The following NSL1 variants were observed in gnomAD, a reference collection of about 807,000 sequenced individuals.
NSL1 encodes kinetochore-associated protein NSL1 homolog.
A neutral mutation model predicts 25.4 loss-of-function variants in NSL1; 11 were observed. The ratio of observed to expected loss-of-function variants is 0.43; its 90% CI spans 0.27 to 0.72. The LOEUF is 0.72. NSL1 is among the 30% of genes least tolerant of loss of function. NSL1 has a pLI of 0.19. For missense variants in NSL1, 330 were observed against 342.7 expected, an observed-to-expected ratio of 0.96 and a Z score of 0.29; for synonymous variants, 118 against 120.6, an observed-to-expected ratio of 0.98 and a Z score of 0.14.
intron 4 of NSL1, among the ~76,000 whole-genome samples, chr1:212,764,302 T>C (rs185624264): frequency 4.6e-5 from 7 of 152,304 alleles, no homozygotes; most frequent in East Asian, 3.9e-4. Flanking sequence ...GTTCACAGTG[T>C]TAAATGTCTA....
intron 1 of NSL1, among the ~76,000 whole-genome samples, chr1:212,788,997 T>C (rs1006169762): frequency 6.6e-6 from 1 of 152,168 alleles, no homozygotes; most frequent in Non-Finnish European, 1.5e-5. Context: ...TCCAAAATAG[T>C]ACCTTATGTC....
In NSL1 at chr1:212,787,657, G is replaced by A. The variant is rs1290347644; in HGVS notation, c.235-20C>T. On this transcript the variant is annotated intron_variant, in intron 1 of 5. Coordinates refer to ENST00000366977, the MANE Select transcript of NSL1 (RefSeq NM_015471.4). The stretch of plus-strand genomic sequence containing the variant: ...AAAAGTCTGCAATAAATTCACAGTA[G>A]TCAAGTCACTAAAAATAATTTTAAA... 1 of 1,514,776 alleles carries A rather than the reference G, an allele frequency of 6.6e-7. No individual in the cohort carries two copies. Among genetic ancestry groups the A allele is most frequent in the Non-Finnish European group, 9.0e-7 (1 of 1,115,404 alleles). 93.8% of individuals were successfully genotyped at this position (1,514,776 alleles called of 1,614,324 possible).
Position 212,729,854 on chromosome 1 carries a change from G to A in NSL1, c.*8554C>T, listed in dbSNP as rs913221627. ...CTGCAAAGGGCAGTGATGTGTGGAC[G>A]AAGGGGTTGCTGGGGTGACCCAGGC... On this transcript the variant is annotated 3_prime_UTR_variant, in exon 6 of 6. Coordinates refer to ENST00000366977, the MANE Select transcript of NSL1 (RefSeq NM_015471.4). The A allele has an allele frequency of 4.1e-6, 4 of 985,172 alleles. No individual in the cohort carries two copies. Among genetic ancestry groups the A allele is most frequent in the Non-Finnish European group, 2.4e-6 (2 of 829,894 alleles). 61.0% of individuals were successfully genotyped at this position (985,172 alleles called of 1,614,324 possible).
intron 1 of NSL1, among the ~76,000 whole-genome samples, chr1:212,790,071 TGGC>T (rs1661121063): frequency 6.6e-6 from 1 of 152,082 alleles, no homozygotes; most frequent in African/African-American, 2.4e-5. Flanking sequence ...TGGAGTGCAG[TGGC>T]GAGATCTGGG....
chr1:212,735,622 C>G lies in NSL1; in HGVS notation c.*2786G>C, dbSNP rs567881212. The stretch of plus-strand genomic sequence containing the variant: ...AGCCTTAACTCCCATGTGCCTATAG[C>G]TGTATTTGGAGATGGGGCCTCTAAG... On this transcript the variant is annotated 3_prime_UTR_variant, in exon 6 of 6. Coordinates refer to ENST00000366977, the MANE Select transcript of NSL1 (RefSeq NM_015471.4). The G allele has an allele frequency of 6.4e-6, 5 of 781,242 alleles. No individual in the cohort carries two copies. In the East Asian group the frequency reaches 5.1e-4, roughly 80 times the overall value. 48.4% of individuals were successfully genotyped at this position (781,242 alleles called of 1,614,324 possible).
intron 4 of NSL1, among the ~76,000 whole-genome samples, chr1:212,754,984 A>G (rs1341284604): frequency 2.0e-5 from 3 of 152,164 alleles, no homozygotes; most frequent in Non-Finnish European, 2.9e-5. Flanking sequence ...GCCAGATGGA[A>G]GGCAACCAAA....
rs889926870 is a variant in NSL1 at position 212,733,244 on chromosome 1, C to T, written c.*5164G>A. Among the ~76,000 whole-genome samples, 6 of 152,062 alleles carry T rather than the reference C, an allele frequency of 3.9e-5. No individual in the cohort carries two copies. Among genetic ancestry groups the T allele is most frequent in the Non-Finnish European group, 8.8e-5 (6 of 68,014 alleles). ...CTTGAGCTCACGAGTTTGAGACCAG[C>T]CACATAGCGAAACTCCGTCTCTACA... On this transcript the variant is annotated 3_prime_UTR_variant, in exon 6 of 6. Transcript: ENST00000366977.
chr1:212,775,823 G>C (rs1660336808), intron 4 of NSL1, among the ~76,000 whole-genome samples: 1 of 151,400 alleles, frequency 6.6e-6, no homozygotes, highest in Non-Finnish European at 1.5e-5. Flanking sequence ...ACCATAAATT[G>C]GTGGTTTTTT....
intron 4 of NSL1, among the ~76,000 whole-genome samples, chr1:212,779,870 G>A (rs1660629400): frequency 6.8e-6 from 1 of 147,712 alleles, no homozygotes; most frequent in African/African-American, 2.5e-5. Context: ...GCCCCGTCCG[G>A]GAGGGAGGTG....
Position 212,733,434 on chromosome 1 carries a change from A to AC in NSL1, c.*4973_*4974insG, listed in dbSNP as rs71147023. On this transcript the variant is annotated 3_prime_UTR_variant, in exon 6 of 6. Coordinates refer to ENST00000366977, the MANE Select transcript of NSL1 (RefSeq NM_015471.4). Reference sequence around the variant, plus strand: ...GCAACACAGCAAGACCTTGTTTCACAAAAAAAAAAAAAAAAAAATCCCATA... The same window carrying AC: ...GCAACACAGCAAGACCTTGTTTCACACAAAAAAAAAAAAAAAAAATCCCATA... Among the ~76,000 whole-genome samples the AC allele has an allele frequency of 3.6e-4, 1 of 2,802 alleles. No homozygotes were observed. The highest frequency in any genetic ancestry group is 7.2e-4 in the Non-Finnish European group (1 of 1,386). 1.8% of individuals were successfully genotyped at this position (2,802 alleles called of 152,430 possible).
chr1:212,764,895 C>T (rs1285041165), intron 4 of NSL1, among the ~76,000 whole-genome samples: 9 of 101,456 alleles, frequency 8.9e-5, no homozygotes, highest in Admixed American at 1.0e-4. Flanking sequence ...AAAAAAGAAA[C>T]TGGAGATATT....
intron 4 of NSL1, among the ~76,000 whole-genome samples, chr1:212,756,509 C>T (rs1175979138): frequency 3.3e-5 from 5 of 151,888 alleles, no homozygotes; most frequent in African/African-American, 1.2e-4. Flanking sequence ...TTGAGTGTAC[C>T]ATGTCAGAAA....
chr1:212,790,719 G>A (rs1276208237), intron 1 of NSL1, among the ~76,000 whole-genome samples: 1 of 151,866 alleles, frequency 6.6e-6, no homozygotes, highest in Non-Finnish European at 1.5e-5. Flanking sequence ...TCAGGAGATC[G>A]AGACCATGCT....
intron 4 of NSL1, among the ~76,000 whole-genome samples, chr1:212,742,170 G>A (rs1238567140): frequency 1.3e-5 from 2 of 152,134 alleles, no homozygotes; most frequent in African/African-American, 4.8e-5. Flanking sequence ...ATCAAAATAT[G>A]TACTTAATAT....
intron 4 of NSL1, among the ~76,000 whole-genome samples, chr1:212,747,184 T>C (rs72758435): frequency 0.088 from 13,320 of 151,272 alleles, 670 homozygotes; most frequent in Middle Eastern, 0.15. Flanking sequence ...AGGGTATTCA[T>C]GCCTCCTTGT....
Position 212,787,618 on chromosome 1 carries a change from T to C in NSL1, c.254A>G (p.Gln85Arg). Residue 85 changes from glutamine (Q) to arginine (R), a missense_variant, in exon 2 of 6, where the codon CAA (glutamine) becomes CGA (arginine). Physicochemically the swap from Gln to Arg is conservative, Grantham distance 43. Transcript: ENST00000366977. ...TTGCCCATTAATGCTGATATTCTCTTGCACAGCTGATTCAAAAGTCTGCAA... is the reference window on the plus strand; with the variant it reads ...TTGCCCATTAATGCTGATATTCTCTCGCACAGCTGATTCAAAAGTCTGCAA... ...DAQWTFESAV[Q>R]ENISINGQAW... 6.2e-7 allele frequency: 1 copy of C among 1,602,902 alleles called. No individual in the cohort carries two copies. The highest frequency in any genetic ancestry group is 8.5e-7 in the Non-Finnish European group (1 of 1,175,286).
At chr1:212,739,623 G>A in intron 4 of NSL1, 22 bp from the exon 5 acceptor site, 4 of 1,610,002 alleles carry the variant, frequency 2.5e-6, no homozygotes, top group Middle Eastern at 1.7e-4. Flanking sequence ...TTGCCAAACA[G>A]TATTTTAGGT....
chr1:212,771,377 T>C (rs1004797262), intron 4 of NSL1, among the ~76,000 whole-genome samples: 1 of 151,974 alleles, frequency 6.6e-6, no homozygotes, highest in Non-Finnish European at 1.5e-5. Context: ...AAAAGCCACA[T>C]ATGACAAACC....
Position 212,736,496 on chromosome 1 carries a change from CT to C in NSL1, c.*1911del, listed in dbSNP as rs1658237176. On this transcript the variant is annotated 3_prime_UTR_variant, in exon 6 of 6. Transcript: ENST00000366977. ...GTTCTTGGCCTATGCAGAAATGCAACTTCTCCTCTTACACAGTATACTTATT... is the reference window on the plus strand; with the variant it reads ...GTTCTTGGCCTATGCAGAAATGCAACTCTCCTCTTACACAGTATACTTATT... 1 of 985,278 alleles carries C rather than the reference CT, an allele frequency of 1.0e-6. No homozygotes were observed. Among genetic ancestry groups the C allele is most frequent in the Admixed American group, 6.1e-5 (1 of 16,286 alleles). 61.0% of individuals were successfully genotyped at this position (985,278 alleles called of 1,614,324 possible).
Sources: gnomAD v4.1 joint callset for allele counts (sites outside exome capture counted in the v4.1 genomes callset) on GRCh38, gnomAD v4.1.1 for gene constraint, MANE v1.5 for transcripts, NCBI Gene and HGNC (gene_info 2026-07-23, HGNC 2026-07-21) for gene names.